ELMO1: variants seen among roughly 807,000 people sequenced by gnomAD.
ELMO1 encodes the protein engulfment and cell motility protein 1.
Under a neutral mutation model 98.9 loss-of-function variants are expected in ELMO1, and 26 were observed. The ratio of observed to expected loss-of-function variants is 0.26; its 90% CI spans 0.19 to 0.36. The LOEUF (loss-of-function observed/expected upper bound fraction) is 0.36, where lower values mean the gene tolerates loss of function less well. ELMO1 is among the 10% of genes least tolerant of loss of function. The pLI is 1.00. For synonymous variants in ELMO1, 346 were observed against 346.0 expected, an observed-to-expected ratio of 1.00 and a Z score of 0.00; for missense variants, 627 against 935.2, an observed-to-expected ratio of 0.67 and a Z score of 4.30.
chr7:37,093,144 A>G (rs1784208931), intron 15 of ELMO1, among the ~76,000 whole-genome samples: 2 of 151,982 alleles, frequency 1.3e-5, no homozygotes, highest in African/African-American at 4.8e-5. Flanking sequence ...GCTTCTTGCA[A>G]TGTCAATAAT....
intron 16 of ELMO1, chr7:36,985,935 A>C (rs1791469110): frequency 1.0e-6 from 1 of 1,002,922 alleles, no homozygotes; most frequent in Admixed American, 6.1e-5. Context: ...AGCTCCCGTA[A>C]GTCCATCTTT....
At chr7:37,210,349 A>C (rs1792885356) in intron 13 of ELMO1, among the ~76,000 whole-genome samples, 1 of 152,142 alleles carries the variant, frequency 6.6e-6, no homozygotes, top group Non-Finnish European at 1.5e-5. Context: ...AATAATGAAA[A>C]ACAAATCAGT....
At chr7:36,974,250 G>A (rs886502697) in intron 16 of ELMO1, among the ~76,000 whole-genome samples, 1 of 152,246 alleles carries the variant, frequency 6.6e-6, no homozygotes, top group African/African-American at 2.4e-5. Flanking sequence ...CTCAGGGATG[G>A]TAAATACACC....
intron 16 of ELMO1, among the ~76,000 whole-genome samples, chr7:36,939,074 T>C (rs190178993): frequency 2.1e-3 from 317 of 152,196 alleles, no homozygotes; most frequent in African/African-American, 7.2e-3. Flanking sequence ...AAAATGAACA[T>C]GTATTTACCT....
Position 37,334,905 on chromosome 7 carries a change from C to T in ELMO1, c.78+7708G>A, listed in dbSNP as rs113788473. ...ACCCTTCCCAATATACTGGGGTAGG[C>T]GTGCTATTATAATTTTTCTGTTTGG... On this transcript the variant is annotated intron_variant, in intron 2 of 21. Transcript: ENST00000310758. 9.5e-3 allele frequency among the ~76,000 whole-genome samples: 1,440 copies of T among 152,190 alleles called. 17 individuals are homozygous for T. Among genetic ancestry groups the T allele is most frequent in the African/African-American group, 0.032 (1,335 of 41,512 alleles).
intron 6 of ELMO1, among the ~76,000 whole-genome samples, chr7:37,256,708 A>G (rs1260633781): frequency 5.6e-5 from 7 of 124,090 alleles, no homozygotes; most frequent in Admixed American, 4.2e-4. Context: ...AGGAAGGAAG[A>G]AAGGGAGAGG....
At chr7:37,289,721 G>C (rs1797576774) in intron 4 of ELMO1, among the ~76,000 whole-genome samples, 1 of 152,110 alleles carries the variant, frequency 6.6e-6, no homozygotes, top group Non-Finnish European at 1.5e-5. Context: ...GAAAGAATGG[G>C]CTTTCACTTG....
intron 1 of ELMO1, among the ~76,000 whole-genome samples, chr7:37,427,079 A>G (rs1804740737): frequency 6.6e-6 from 1 of 152,138 alleles, no homozygotes; most frequent in South Asian, 2.1e-4. Flanking sequence ...CCCCTAAGAC[A>G]ATACAGTAGT....
At chr7:37,277,432 T>C (rs193089234) in intron 4 of ELMO1, among the ~76,000 whole-genome samples, 6 of 152,292 alleles carry the variant, frequency 3.9e-5, no homozygotes, top group Admixed American at 3.3e-4. Flanking sequence ...CAAGACATCT[T>C]CATGGAACAG....
At chr7:37,412,571 T>C (rs1443810270) in intron 1 of ELMO1, among the ~76,000 whole-genome samples, 1 of 143,226 alleles carries the variant, frequency 7.0e-6, no homozygotes, top group Non-Finnish European at 1.5e-5. Context: ...AATGCAACCA[T>C]CATTTTAGCT....
At chr7:37,303,340 T>C (rs1019550811) in intron 4 of ELMO1, among the ~76,000 whole-genome samples, 1 of 152,132 alleles carries the variant, frequency 6.6e-6, no homozygotes, top group South Asian at 2.1e-4. Flanking sequence ...TTCCAAGTAG[T>C]AAAGTCACTA....
intron 13 of ELMO1, among the ~76,000 whole-genome samples, chr7:37,171,483 ATTTTTTTTTTTTTT>A (rs71780142): frequency 2.4e-5 from 2 of 82,914 alleles, no homozygotes; most frequent in East Asian, 9.4e-4. Flanking sequence ...AGGCCTTTCT[ATTTTTTTTTTTTTT>A]TTTTTTTTTT....
chr7:37,023,632 G>A (rs1360948645), intron 15 of ELMO1, among the ~76,000 whole-genome samples: 4 of 152,080 alleles, frequency 2.6e-5, no homozygotes, highest in Non-Finnish European at 4.4e-5. Context: ...TTTTGAGATG[G>A]AGTCTTGCTC....
intron 18 of ELMO1, among the ~76,000 whole-genome samples, chr7:36,881,812 C>T (rs1438044586): frequency 1.3e-5 from 2 of 152,198 alleles, no homozygotes; most frequent in Non-Finnish European, 2.9e-5. Context: ...TGCCCTCCTA[C>T]AGAACTTCCT....
At chr7:37,205,748 G>T (rs968797303) in intron 13 of ELMO1, among the ~76,000 whole-genome samples, 2 of 152,070 alleles carry the variant, frequency 1.3e-5, no homozygotes, top group Non-Finnish European at 2.9e-5. Flanking sequence ...CAGATTTTTT[G>T]CCACTGTGCA....
chr7:37,142,571 T>C (rs1229250571), intron 13 of ELMO1, among the ~76,000 whole-genome samples: 1 of 152,222 alleles, frequency 6.6e-6, no homozygotes, highest in Admixed American at 6.5e-5. Flanking sequence ...CCTACTTTTT[T>C]CCTTACCACC....
At chr7:37,404,402 A>G (rs1251636515) in intron 1 of ELMO1, among the ~76,000 whole-genome samples, 1 of 152,166 alleles carries the variant, frequency 6.6e-6, no homozygotes, top group African/African-American at 2.4e-5. Context: ...TGGTCCTATC[A>G]TGGCCACTCC....
Position 37,022,495 on chromosome 7 carries a change from C to A in ELMO1, c.1301-9060G>T, listed in dbSNP as rs534675868. Among the ~76,000 whole-genome samples the A allele has an allele frequency of 7.9e-5, 12 of 152,118 alleles. No individual in the cohort carries two copies. In the East Asian group the frequency reaches 2.3e-3, roughly 29 times the overall value. On this transcript the variant is annotated intron_variant, in intron 15 of 21. Coordinates refer to ENST00000310758, the MANE Select transcript of ELMO1 (RefSeq NM_014800.11). ...TGAAAAGGAGCTAAGCTTTTTAAGT[C>A]ACAGAAAAAAATATGCAGCTTTAAA...
At chr7:36,880,687 G>A (rs1291821897) in intron 18 of ELMO1, among the ~76,000 whole-genome samples, 2 of 152,222 alleles carry the variant, frequency 1.3e-5, no homozygotes, top group African/African-American at 4.8e-5. Flanking sequence ...AGAGAAAGAT[G>A]TTGTTTCCCA....
Sources: allele counts gnomAD v4.1 joint callset (sites outside exome capture counted in the v4.1 genomes callset), GRCh38; gene constraint gnomAD v4.1.1; transcripts MANE v1.5; gene names NCBI Gene and HGNC (gene_info 2026-07-23, HGNC 2026-07-21).